NBPF3: variants seen among roughly 807,000 people sequenced by gnomAD.
The protein encoded by NBPF3 is NBPF member 3.
In NBPF3, 57 loss-of-function variants were observed where a neutral mutation model predicts 78.1. That is an observed-to-expected ratio of 0.73 (90% confidence interval 0.59 to 0.91). The LOEUF is 0.91. Among genes scored for constraint, NBPF3 ranks in the 40% least tolerant of loss-of-function variants. The pLI is 0.00. For missense variants in NBPF3, 510 were observed against 715.3 expected (o/e 0.71, Z 3.27); for synonymous variants, 182 against 271.7 (o/e 0.67, Z 3.25).
At chr1:21,438,384 G>A (rs1312409321), upstream of NBPF3, among the ~76,000 whole-genome samples, 2 of 152,196 alleles carry the variant, frequency 1.3e-5, no homozygotes, top group East Asian at 1.9e-4. Context: ...AAAGTGCTGG[G>A]ATTACAGGTT....
chr1:21,471,529 C>T (rs1206972445), intron 4 of NBPF3, 40 bp from the exon 5 acceptor site: 1 of 1,611,462 alleles, frequency 6.2e-7, no homozygotes, highest in African/African-American at 1.3e-5. Flanking sequence ...GATCACTCAT[C>T]CCTTTCCACT....
intron 14 of NBPF3, 56 bp from the exon 15 acceptor site, chr1:21,483,087 G>A: frequency 1.2e-6 from 2 of 1,609,652 alleles, no homozygotes; most frequent in South Asian, 2.2e-5. Context: ...TCTAGTTGGG[G>A]CTCTGTGGTG....
chr1:21,441,253 G>C (rs1640628967), intron 1 of NBPF3, among the ~76,000 whole-genome samples: 1 of 152,148 alleles, frequency 6.6e-6, no homozygotes, highest in African/African-American at 2.4e-5. Flanking sequence ...TGCGTTAGTA[G>C]CTTTCTTTTT....
chr1:21,475,712 A>G (rs1642855434), intron 8 of NBPF3, among the ~76,000 whole-genome samples: 1 of 152,160 alleles, frequency 6.6e-6, no homozygotes, highest in South Asian at 2.1e-4. Context: ...CAATTTTGGA[A>G]TAAGTGTGAT....
At position 21,480,506 on chromosome 1, in the gene NBPF3, A is replaced by G. The variant is rs560930547; in HGVS notation, c.1381+283A>G. On this transcript the variant is annotated intron_variant, in intron 11 of 14. Coordinates refer to ENST00000318249, the MANE Select transcript of NBPF3 (RefSeq NM_032264.6). ...GCAGGTGTAAAAAATTCACAGAACC[A>G]TGATTTGGACTCAAGGGTTTGTAGA... is the stretch of plus-strand genomic sequence containing the variant. Among the ~76,000 whole-genome samples the G allele has an allele frequency of 2.8e-5, 4 of 140,500 alleles. No individual in the cohort carries two copies. In the East Asian group the frequency reaches 9.0e-4, roughly 32 times the overall value. 92.2% of individuals were successfully genotyped at this position (140,500 alleles called of 152,430 possible).
upstream of NBPF3, among the ~76,000 whole-genome samples, chr1:21,438,989 T>C (rs1640492748): frequency 2.0e-5 from 3 of 152,144 alleles, no homozygotes; most frequent in Admixed American, 1.3e-4. Flanking sequence ...AAAGCAGGCA[T>C]TGCAGCCCCA....
chr1:21,478,172 G>A lies in NBPF3; in HGVS notation c.1021G>A (p.Ala341Thr), dbSNP rs368245318. 7.4e-6 allele frequency: 12 copies of A among 1,613,972 alleles called. No homozygotes were observed. The highest frequency in any genetic ancestry group is 1.0e-5 in the Non-Finnish European group (12 of 1,180,032). Reference sequence around the variant, plus strand: ...TCTGCAGGAGTCTGAAGAGGAGGAAGCCCCCCAGGAGTCCTGGGATGAAGG... The same window carrying A: ...TCTGCAGGAGTCTGAAGAGGAGGAAACCCCCCAGGAGTCCTGGGATGAAGG... Reference protein sequence around the residue: ...RNLQESEEEEAPQESWDEGDW... With the variant: ...RNLQESEEEETPQESWDEGDW... The change falls in exon 9 of 15, where the codon GCC becomes ACC. Residue 341 changes from alanine (A) to threonine (T), a missense_variant. By Grantham distance (58) the Ala-to-Thr change is moderately conservative. Transcript: ENST00000318249.
Position 21,474,917 on chromosome 1 carries a change from G to A in NBPF3, c.958G>A (p.Glu320Lys). The change falls in exon 8 of 15, where the codon GAG becomes AAG. Residue 320 changes from glutamate (E) to lysine (K), a missense_variant. Glu to Lys is a moderately conservative substitution (Grantham distance 56). Coordinates refer to ENST00000318249, the MANE Select transcript of NBPF3 (RefSeq NM_032264.6). The part of the protein sequence containing the change: ...CIIPENESDH[E>K]QEEEKGPVSP... ...ATTTCCAGAAAATGAAAGTGATCAT[G>A]AGCAAGAGGAAGAAAAAGGGCCAGT... is the stretch of plus-strand genomic sequence containing the variant. 6.2e-7 allele frequency: 1 copy of A among 1,603,378 alleles called. No individual in the cohort carries two copies. Among genetic ancestry groups the A allele is most frequent in the Non-Finnish European group, 8.5e-7 (1 of 1,172,962 alleles).
intron 2 of NBPF3, among the ~76,000 whole-genome samples, chr1:21,447,496 G>A (rs530354024): frequency 3.3e-5 from 5 of 152,196 alleles, no homozygotes; most frequent in Non-Finnish European, 7.3e-5. Flanking sequence ...CCTAGAGTTG[G>A]AATGGTACAG....
rs200956540 is a variant in NBPF3 at position 21,445,185 on chromosome 1, T to C, written c.99T>C (p.Gly33=). 3 of 1,611,826 alleles carry C rather than the reference T, an allele frequency of 1.9e-6. No homozygotes were observed. Among genetic ancestry groups the C allele is most frequent in the Non-Finnish European group, 2.5e-6 (3 of 1,179,800 alleles). The change falls in exon 2 of 15, where the codon GGT becomes GGC. Residue 33 remains glycine, a synonymous_variant. Transcript: ENST00000318249. ...GTGCACCAAGAGCAGCCTCACATGGTGTGGGCCGACATCAAGAGCTGCGAG... is the reference window on the plus strand; with the variant it reads ...GTGCACCAAGAGCAGCCTCACATGGCGTGGGCCGACATCAAGAGCTGCGAG... ...PFGAPRAASH[G]VGRHQELRDP...
At chr1:21,478,021 GA>G (rs1558505728) in intron 8 of NBPF3, 122 bp from the exon 9 acceptor site, 1 of 1,600,372 alleles carries the variant, frequency 6.2e-7, no homozygotes. Flanking sequence ...TCTCTTGAAG[GA>G]AAAATGCCTT....
intron 2 of NBPF3, among the ~76,000 whole-genome samples, chr1:21,455,572 G>A (rs568449921): frequency 6.6e-6 from 1 of 152,232 alleles, no homozygotes; most frequent in Non-Finnish European, 1.5e-5. Context: ...TGATTTCCTA[G>A]TTCTTTGGGG....
intron 2 of NBPF3, among the ~76,000 whole-genome samples, chr1:21,458,074 C>T (rs1397901348): frequency 6.6e-6 from 1 of 152,198 alleles, no homozygotes; most frequent in Non-Finnish European, 1.5e-5. Context: ...GAAGACCTTC[C>T]TCTGGAGCCT....
intron 2 of NBPF3, among the ~76,000 whole-genome samples, chr1:21,445,630 C>A (rs568702669): frequency 6.6e-6 from 1 of 152,104 alleles, no homozygotes; most frequent in East Asian, 1.9e-4. Flanking sequence ...CCTGCATCCC[C>A]CAGGCTAAGG....
At chr1:21,447,372 A>G (rs112449310) in intron 2 of NBPF3, among the ~76,000 whole-genome samples, 2 of 152,282 alleles carry the variant, frequency 1.3e-5, no homozygotes, top group South Asian at 2.1e-4. Context: ...CGTCATGCGA[A>G]ATAGTTTCAC....
intron 2 of NBPF3, among the ~76,000 whole-genome samples, chr1:21,456,961 A>G (rs549153117): frequency 6.6e-6 from 1 of 152,354 alleles, no homozygotes; most frequent in South Asian, 2.1e-4. Flanking sequence ...TATGTTAATA[A>G]TCCTAGAAAT....
chr1:21,468,584 C>G (rs1193582571), intron 2 of NBPF3, 104 bp from the exon 3 acceptor site: 28 of 1,594,090 alleles, frequency 1.8e-5, no homozygotes, highest in Middle Eastern at 2.3e-4. Context: ...TTTTTCTCAA[C>G]AGTAAGTTAA....
intron 2 of NBPF3, chr1:21,467,117 T>TGA (rs1326394777): frequency 1.0e-6 from 1 of 985,144 alleles, no homozygotes; most frequent in East Asian, 1.1e-4. Context: ...ATGTCAGGTC[T>TGA]CCCAGATGCC....
intron 3 of NBPF3, among the ~76,000 whole-genome samples, chr1:21,469,706 T>C (rs549911421): frequency 2.6e-5 from 4 of 152,174 alleles, no homozygotes; most frequent in African/African-American, 4.8e-5. Flanking sequence ...GCCTGGGCGA[T>C]AGGGCAAGAC....
Sources: gnomAD v4.1 joint callset for allele counts (sites outside exome capture counted in the v4.1 genomes callset) on GRCh38, gnomAD v4.1.1 for gene constraint, MANE v1.5 for transcripts, NCBI Gene and HGNC (gene_info 2026-07-23, HGNC 2026-07-21) for gene names.